The following SGCZ variants were observed in gnomAD, a reference collection of about 807,000 sequenced individuals.
SGCZ encodes the protein sarcoglycan zeta, also known as zeta-sarcoglycan.
Under a neutral mutation model 41.3 loss-of-function variants are expected in SGCZ, and 40 were observed. The ratio of observed to expected loss-of-function variants is 0.97; its 90% CI spans 0.75 to 1.26. SGCZ has a LOEUF of 1.26. SGCZ is among the 50% of genes most tolerant of loss of function. The pLI, the probability that SGCZ is intolerant of heterozygous loss-of-function variation, is 0.00. For synonymous variants in SGCZ, 206 were observed against 137.5 expected, an observed-to-expected ratio of 1.50 and a Z score of -3.49; for missense variants, 552 against 369.8, an observed-to-expected ratio of 1.49 and a Z score of -4.04.
At chr8:14,121,611 G>C (rs190758175) in intron 5 of SGCZ, among the ~76,000 whole-genome samples, 175 of 152,150 alleles carry the variant, frequency 1.2e-3, no homozygotes, top group Non-Finnish European at 2.2e-3. Flanking sequence ...CCTAACATCA[G>C]ATAGACTTTT....
At chr8:15,125,419 A>C (rs1807644036) in intron 1 of SGCZ, among the ~76,000 whole-genome samples, 3 of 152,148 alleles carry the variant, frequency 2.0e-5, no homozygotes, top group Admixed American at 2.0e-4. Flanking sequence ...TCCTCCTGGG[A>C]AAGTATTAAT....
At chr8:14,544,895 T>C (rs1363781843) in intron 2 of SGCZ, among the ~76,000 whole-genome samples, 8 of 152,166 alleles carry the variant, frequency 5.3e-5, no homozygotes, top group African/African-American at 4.8e-5. Context: ...TGATCTTTAT[T>C]AGACCCTTAT....
At chr8:14,933,426 T>C (rs931024316) in intron 1 of SGCZ, among the ~76,000 whole-genome samples, 1 of 100,212 alleles carries the variant, frequency 1.0e-5, no homozygotes, top group African/African-American at 3.4e-5. Context: ...ATATACTTTT[T>C]TTTTCTTTTT....
intron 4 of SGCZ, among the ~76,000 whole-genome samples, chr8:14,234,264 A>G (rs1259148105): frequency 1.3e-5 from 2 of 152,060 alleles, no homozygotes; most frequent in African/African-American, 4.8e-5. Context: ...TCTATCAGTG[A>G]GTCAGGATTA....
intron 2 of SGCZ, among the ~76,000 whole-genome samples, chr8:14,393,110 T>C (rs939942283): frequency 6.6e-5 from 10 of 152,122 alleles, no homozygotes; most frequent in Non-Finnish European, 1.2e-4. Flanking sequence ...AAAAAATATA[T>C]CTATGTTTTC....
At chr8:14,552,426 C>T (rs1803899585) in intron 2 of SGCZ, among the ~76,000 whole-genome samples, 1 of 152,016 alleles carries the variant, frequency 6.6e-6, no homozygotes, top group African/African-American at 2.4e-5. Flanking sequence ...ACTTCAGCTA[C>T]ATGCAAATAG....
At chr8:14,154,186 C>T (rs567739054) in intron 5 of SGCZ, among the ~76,000 whole-genome samples, 7 of 151,934 alleles carry the variant, frequency 4.6e-5, no homozygotes, top group Admixed American at 2.0e-4. Flanking sequence ...CTGGCTAACA[C>T]GCTGAAACCC....
chr8:14,713,343 A>T (rs1447564700), intron 1 of SGCZ, among the ~76,000 whole-genome samples: 1 of 152,226 alleles, frequency 6.6e-6, no homozygotes, highest in African/African-American at 2.4e-5. Flanking sequence ...TTACAGTGTT[A>T]CATAACTATC....
intron 1 of SGCZ, among the ~76,000 whole-genome samples, chr8:14,845,148 A>T (rs909327616): frequency 6.6e-6 from 1 of 152,176 alleles, no homozygotes; most frequent in Non-Finnish European, 1.5e-5. Context: ...GAATGAGATG[A>T]TGGTGCCCAG....
chr8:14,882,966 A>G (rs1262697415), intron 1 of SGCZ, among the ~76,000 whole-genome samples: 1 of 152,072 alleles, frequency 6.6e-6, no homozygotes, highest in Admixed American at 6.6e-5. Context: ...TAATATTTCT[A>G]ATTTTATTGA....
intron 1 of SGCZ, among the ~76,000 whole-genome samples, chr8:14,780,940 G>A (rs992581743): frequency 6.6e-6 from 1 of 152,104 alleles, no homozygotes; most frequent in African/African-American, 2.4e-5. Context: ...AATTTCTGTT[G>A]CCAAAGATAC....
intron 3 of SGCZ, among the ~76,000 whole-genome samples, chr8:14,281,868 CT>C (rs11297234): frequency 0.93 from 141,033 of 151,762 alleles, 66,298 homozygotes; most frequent in East Asian, 1. Context: ...CCATACTGTT[CT>C]TTTTTTTTAT....
chr8:14,155,758 G>A (rs971577275), intron 5 of SGCZ, among the ~76,000 whole-genome samples: 1 of 151,522 alleles, frequency 6.6e-6, no homozygotes, highest in East Asian at 1.9e-4. Flanking sequence ...ACAGTCATGT[G>A]TTGCTTAACA....
intron 5 of SGCZ, among the ~76,000 whole-genome samples, chr8:14,148,119 AAC>A (rs1156712050): frequency 2.0e-5 from 3 of 152,142 alleles, no homozygotes; most frequent in African/African-American, 4.8e-5. Flanking sequence ...CCTTCAAATA[AAC>A]AGTCTAACAA....
At chr8:15,132,759 G>C (rs1265845125) in intron 1 of SGCZ, among the ~76,000 whole-genome samples, 1 of 152,162 alleles carries the variant, frequency 6.6e-6, no homozygotes, top group Non-Finnish European at 1.5e-5. Flanking sequence ...CACCATGGCA[G>C]TCAGCAAATG....
chr8:14,846,841 G>T (rs960413485), intron 1 of SGCZ, among the ~76,000 whole-genome samples: 14 of 151,862 alleles, frequency 9.2e-5, no homozygotes, highest in African/African-American at 3.1e-4. Context: ...AGGCCGAGTC[G>T]GGTGGATTGC....
intron 1 of SGCZ, among the ~76,000 whole-genome samples, chr8:14,925,019 G>A (rs530938734): frequency 3.3e-5 from 5 of 151,808 alleles, no homozygotes; most frequent in Admixed American, 1.3e-4. Context: ...CTCAATGCCC[G>A]GCTAATTTTT....
chr8:14,713,018 G>A (rs1410533871), intron 1 of SGCZ, among the ~76,000 whole-genome samples: 1 of 152,090 alleles, frequency 6.6e-6, no homozygotes, highest in Non-Finnish European at 1.5e-5. Context: ...AAACTACTGT[G>A]TAGGCCCCTA....
intron 4 of SGCZ, among the ~76,000 whole-genome samples, chr8:14,222,639 G>A (rs1806238398): frequency 1.3e-5 from 2 of 151,718 alleles, no homozygotes; most frequent in Admixed American, 1.3e-4. Flanking sequence ...ATTATTTATT[G>A]TTTTGAATCG....
Sources: allele counts gnomAD v4.1 joint callset (sites outside exome capture counted in the v4.1 genomes callset), GRCh38; gene constraint gnomAD v4.1.1; transcripts MANE v1.5; gene names NCBI Gene and HGNC (gene_info 2026-07-23, HGNC 2026-07-21).